Variants in XKR9 observed in about 807,000 individuals in gnomAD.
The protein encoded by XKR9 is XK related 9.
XKR9 carries 32 observed loss-of-function variants against 32.0 expected under a neutral mutation model. The observed-to-expected ratio is 1.00, with a 90% CI of 0.76 to 1.34. XKR9 has a LOEUF of 1.34. Ranked by LOEUF, XKR9 falls within the 40% of genes most tolerant of loss-of-function variation. The probability of loss-of-function intolerance (pLI) is 0.00; values close to 1 mark genes in which losing one functional copy is unlikely to be tolerated. For missense variants in XKR9, 546 were observed against 429.7 expected, an observed-to-expected ratio of 1.27 and a Z score of -2.39; for synonymous variants, 168 against 143.4, an observed-to-expected ratio of 1.17 and a Z score of -1.22.
At chr8:70,949,654 A>T in the XKR9 span, among the ~76,000 whole-genome samples, 1 of 151,920 alleles carries the variant, frequency 6.6e-6, no homozygotes, top group African/African-American at 2.4e-5. Flanking sequence ...TGACAGGGTC[A>T]CAAGCAGAGT....
the XKR9 span, among the ~76,000 whole-genome samples, chr8:70,811,774 G>T: frequency 6.6e-6 from 1 of 152,194 alleles, no homozygotes; most frequent in Admixed American, 6.5e-5. Flanking sequence ...ACCAATAACA[G>T]GATCTGAAAT....
At chr8:70,932,307 T>C in the XKR9 span, among the ~76,000 whole-genome samples, 3 of 152,096 alleles carry the variant, frequency 2.0e-5, no homozygotes, top group African/African-American at 7.2e-5. Flanking sequence ...AGATAGGATA[T>C]GGAGTAGGGA....
At chr8:70,754,122 C>T (rs1807182835) in intron 2 of XKR9, among the ~76,000 whole-genome samples, 1 of 142,590 alleles carries the variant, frequency 7.0e-6, no homozygotes. Context: ...ACACCAATAA[C>T]AGACAAACAG....
chr8:71,022,466 A>C, the XKR9 span, among the ~76,000 whole-genome samples: 1 of 152,122 alleles, frequency 6.6e-6, no homozygotes, highest in Non-Finnish European at 1.5e-5. Context: ...CTGGCCTATA[A>C]GGTTTCTGCT....
chr8:70,714,560 A>T (rs1806027817), intron 4 of XKR9, among the ~76,000 whole-genome samples: 1 of 152,100 alleles, frequency 6.6e-6, no homozygotes, highest in South Asian at 2.1e-4. Flanking sequence ...ATTTAAATTT[A>T]AAAAAGTTTT....
chr8:71,040,181 G>A, the XKR9 span, among the ~76,000 whole-genome samples: 5 of 152,016 alleles, frequency 3.3e-5, no homozygotes, highest in African/African-American at 1.2e-4. Context: ...TTTATTTTTC[G>A]CAATGTTGTG....
chr8:70,991,932 A>G, the XKR9 span, among the ~76,000 whole-genome samples: 1 of 151,726 alleles, frequency 6.6e-6, no homozygotes, highest in Non-Finnish European at 1.5e-5. Flanking sequence ...TTCTCCCTAC[A>G]TCCATCCCAA....
At chr8:70,824,524 A>C in the XKR9 span, among the ~76,000 whole-genome samples, 64 of 152,224 alleles carry the variant, frequency 4.2e-4, 1 homozygote, top group African/African-American at 1.4e-3. Context: ...AGACCCAAGG[A>C]ACAGGTCAAT....
the XKR9 span, among the ~76,000 whole-genome samples, chr8:70,896,477 G>A: frequency 2.8e-4 from 43 of 151,486 alleles, 1 homozygote; most frequent in African/African-American, 1.0e-3. Flanking sequence ...ATGGGCCGAC[G>A]GTCGTTTGTA....
At chr8:70,728,212 G>T (rs1806541263) in intron 4 of XKR9, among the ~76,000 whole-genome samples, 1 of 152,136 alleles carries the variant, frequency 6.6e-6, no homozygotes, top group African/African-American at 2.4e-5. Flanking sequence ...ACTGTCTAAG[G>T]TGTAATTTTG....
At chr8:71,009,236 G>T in the XKR9 span, among the ~76,000 whole-genome samples, 1 of 152,202 alleles carries the variant, frequency 6.6e-6, no homozygotes, top group Non-Finnish European at 1.5e-5. Flanking sequence ...CCCATGGGCC[G>T]CATGCAGCCC....
chr8:70,913,629 C>T, the XKR9 span, among the ~76,000 whole-genome samples: 13 of 152,168 alleles, frequency 8.5e-5, no homozygotes, highest in Non-Finnish European at 1.6e-4. Context: ...GTTCAACATA[C>T]ATAAAAGTAT....
intron 2 of XKR9, among the ~76,000 whole-genome samples, chr8:70,751,581 T>C (rs146483853): frequency 1.8e-4 from 27 of 152,258 alleles, no homozygotes; most frequent in African/African-American, 6.5e-4. Flanking sequence ...TCACCCAATA[T>C]GGGTAGGTAC....
At chr8:70,858,898 A>C in the XKR9 span, among the ~76,000 whole-genome samples, 6 of 152,140 alleles carry the variant, frequency 3.9e-5, no homozygotes, top group Admixed American at 2.6e-4. Context: ...AGAACTATGA[A>C]ATTACCCATA....
the XKR9 span, among the ~76,000 whole-genome samples, chr8:70,819,188 TTGTC>T: frequency 6.6e-6 from 1 of 152,196 alleles, no homozygotes; most frequent in Non-Finnish European, 1.5e-5. Context: ...ATTTCCTGGT[TTGTC>T]TGTTAAACCT....
At chr8:71,021,588 C>T in the XKR9 span, among the ~76,000 whole-genome samples, 2,862 of 150,470 alleles carry the variant, frequency 0.019, 81 homozygotes, top group African/African-American at 0.067. Flanking sequence ...CTGCAAGCTC[C>T]GCCTCCCGGG....
chr8:70,844,433 ACT>A, the XKR9 span, among the ~76,000 whole-genome samples: 3 of 151,856 alleles, frequency 2.0e-5, no homozygotes, highest in Non-Finnish European at 4.4e-5. Flanking sequence ...ACTGGCAGCA[ACT>A]CTGTCCCCCA....
intron 4 of XKR9, among the ~76,000 whole-genome samples, chr8:70,721,961 C>G (rs1412008509): frequency 3.3e-5 from 5 of 152,096 alleles, no homozygotes; most frequent in Non-Finnish European, 7.4e-5. Flanking sequence ...TAAGAACTTG[C>G]TTTATGAATC....
chr8:70,681,669 CTG>C (rs1474034136), intron 3 of XKR9, among the ~76,000 whole-genome samples: 4 of 152,048 alleles, frequency 2.6e-5, no homozygotes, highest in Admixed American at 6.6e-5. Context: ...TCACTTGTAA[CTG>C]AGAGAGTACT....
Sources: allele counts gnomAD v4.1 joint callset (sites outside exome capture counted in the v4.1 genomes callset), GRCh38; gene constraint gnomAD v4.1.1; transcripts MANE v1.5; gene names NCBI Gene and HGNC (gene_info 2026-07-23, HGNC 2026-07-21).